The following SENP7 variants were observed in gnomAD, a reference collection of about 807,000 sequenced individuals.
SENP7 encodes the protein SUMO specific peptidase 7.
In SENP7, 64 loss-of-function variants were observed where a neutral mutation model predicts 141.2. The ratio of observed to expected loss-of-function variants is 0.45; its 90% CI spans 0.37 to 0.56. The LOEUF (loss-of-function observed/expected upper bound fraction) is 0.56, where lower values mean the gene tolerates loss of function less well. Among genes scored for constraint, SENP7 ranks in the 20% least tolerant of loss-of-function variants. SENP7 has a pLI of 0.00. For synonymous variants in SENP7, 382 were observed against 426.4 expected, an observed-to-expected ratio of 0.90 and a Z score of 1.28; for missense variants, 1,025 against 1,212.2, an observed-to-expected ratio of 0.85 and a Z score of 2.29.
At chr3:101,445,767 TTCAG>T (rs1335383549) in intron 4 of SENP7, among the ~76,000 whole-genome samples, 1 of 152,100 alleles carries the variant, frequency 6.6e-6, no homozygotes, top group Non-Finnish European at 1.5e-5. Flanking sequence ...AAAATAGACA[TTCAG>T]TCAAAAAACT....
chr3:101,465,541 G>A (rs2063731865), intron 3 of SENP7, among the ~76,000 whole-genome samples: 1 of 152,180 alleles, frequency 6.6e-6, no homozygotes, highest in Non-Finnish European at 1.5e-5. Flanking sequence ...TGACACTGCT[G>A]ACATGAGTTA....
intron 3 of SENP7, among the ~76,000 whole-genome samples, chr3:101,482,079 G>C (rs1242616946): frequency 6.6e-6 from 1 of 152,088 alleles, no homozygotes; most frequent in Non-Finnish European, 1.5e-5. Context: ...GGGATACCGA[G>C]GTGGGCAGAT....
At position 101,327,655 on chromosome 3, in the gene SENP7, G is replaced by C; in HGVS notation, c.3015+11C>G. ...ACTGTGAATTAAAAACTTATTTATA[G>C]CTTCACATACCTTGAAGAAGCTTTC... On this transcript the variant is annotated intron_variant, in intron 23 of 23. Coordinates refer to ENST00000394095, the MANE Select transcript of SENP7 (RefSeq NM_020654.5). The C allele has an allele frequency of 6.3e-7, 1 of 1,584,354 alleles. No individual in the cohort carries two copies. The highest frequency in any genetic ancestry group is 2.3e-5 in the East Asian group (1 of 43,564).
In SENP7 at chr3:101,327,741, G is replaced by A; in HGVS notation, c.2940C>T (p.Cys980=). The A allele has an allele frequency of 5.6e-6, 9 of 1,611,110 alleles. No individual in the cohort carries two copies. The highest frequency in any genetic ancestry group is 7.6e-6 in the Non-Finnish European group (9 of 1,178,044). ...QFSKTNMVDL[C]PKVPKQDNSS... ...TATTGTCCTGTTTAGGAACTTTAGG[G>A]CATAGATCCACCATGTTTGTTTTGC... Residue 980 remains cysteine, a synonymous_variant, in exon 23 of 24, where the codon TGC becomes TGT. Transcript: ENST00000394095.
At chr3:101,335,296 G>T (rs987631926) in intron 17 of SENP7, among the ~76,000 whole-genome samples, 1 of 152,172 alleles carries the variant, frequency 6.6e-6, no homozygotes, top group African/African-American at 2.4e-5. Context: ...CATAAAGCAT[G>T]ATAAGGAATC....
At chr3:101,422,599 T>G (rs1205077476) in intron 4 of SENP7, among the ~76,000 whole-genome samples, 1 of 152,148 alleles carries the variant, frequency 6.6e-6, no homozygotes, top group Admixed American at 6.6e-5. Context: ...CTAGGCTTTT[T>G]AGAACCATCC....
intron 16 of SENP7, among the ~76,000 whole-genome samples, chr3:101,339,508 G>A (rs529329975): frequency 1.3e-5 from 2 of 152,230 alleles, no homozygotes; most frequent in South Asian, 2.1e-4. Flanking sequence ...ATCACCTGAG[G>A]TCAGGAGTTC....
At chr3:101,386,822 A>G (rs2060666162) in intron 6 of SENP7, among the ~76,000 whole-genome samples, 1 of 152,242 alleles carries the variant, frequency 6.6e-6, no homozygotes, top group Non-Finnish European at 1.5e-5. Context: ...CAACATCTGC[A>G]CACATCTTCA....
intron 3 of SENP7, among the ~76,000 whole-genome samples, chr3:101,471,239 T>C (rs1279009566): frequency 2.0e-5 from 3 of 152,166 alleles, no homozygotes; most frequent in Non-Finnish European, 4.4e-5. Context: ...TCACACTACC[T>C]GACTTCAAAC....
intron 5 of SENP7, among the ~76,000 whole-genome samples, chr3:101,415,850 C>A (rs2061603013): frequency 3.3e-5 from 5 of 152,204 alleles, no homozygotes. Flanking sequence ...GAAGTGATAA[C>A]ACAGCCTGTC....
chr3:101,469,257 T>C (rs998741549), intron 3 of SENP7, among the ~76,000 whole-genome samples: 1 of 151,756 alleles, frequency 6.6e-6, no homozygotes, highest in Non-Finnish European at 1.5e-5. Flanking sequence ...ATAAAGCAAG[T>C]CCTTAGAGAC....
At chr3:101,391,299 AT>A (rs1559759104) in intron 6 of SENP7, among the ~76,000 whole-genome samples, 3 of 151,924 alleles carry the variant, frequency 2.0e-5, no homozygotes. Context: ...CATAATAAAA[AT>A]TGTTTTTTAA....
intron 4 of SENP7, among the ~76,000 whole-genome samples, chr3:101,449,939 C>A (rs1481517243): frequency 6.6e-6 from 1 of 152,104 alleles, no homozygotes; most frequent in African/African-American, 2.4e-5. Flanking sequence ...AGAGTCAAGA[C>A]CCATCAGTGT....
chr3:101,381,862 T>C (rs2060511154), intron 6 of SENP7, among the ~76,000 whole-genome samples: 1 of 152,164 alleles, frequency 6.6e-6, no homozygotes, highest in Non-Finnish European at 1.5e-5. Flanking sequence ...GATCTCAAAA[T>C]AGAGTATCTT....
At chr3:101,499,581 T>G (rs1299205873) in intron 2 of SENP7, among the ~76,000 whole-genome samples, 4 of 146,876 alleles carry the variant, frequency 2.7e-5, no homozygotes, top group African/African-American at 1.0e-4. Flanking sequence ...TGTCGCCCAG[T>G]CTAGAGTGCA....
intron 6 of SENP7, among the ~76,000 whole-genome samples, chr3:101,378,754 C>T (rs913910466): frequency 6.6e-6 from 1 of 152,018 alleles, no homozygotes; most frequent in South Asian, 2.1e-4. Flanking sequence ...CTAGGCATAT[C>T]ATATTAAACT....
At chr3:101,459,097 G>T in intron 3 of SENP7, 45 bp from the exon 4 acceptor site, 2 of 1,084,558 alleles carry the variant, frequency 1.8e-6, no homozygotes, top group Non-Finnish European at 2.7e-6. Context: ...ATATCAATAT[G>T]ACAAGAGGCA....
intron 10 of SENP7, among the ~76,000 whole-genome samples, chr3:101,363,757 A>G (rs953562097): frequency 6.6e-6 from 1 of 152,230 alleles, no homozygotes; most frequent in Admixed American, 6.5e-5. Context: ...CCATGAAACA[A>G]TAATCAGACC....
At chr3:101,345,255 T>G (rs1360545826) in intron 13 of SENP7, among the ~76,000 whole-genome samples, 1 of 152,078 alleles carries the variant, frequency 6.6e-6, no homozygotes, top group Admixed American at 6.6e-5. Context: ...AGTATGATGG[T>G]GGTATTTTGA....
Sources: gnomAD v4.1 joint callset for allele counts (sites outside exome capture counted in the v4.1 genomes callset) on GRCh38, gnomAD v4.1.1 for gene constraint, MANE v1.5 for transcripts, NCBI Gene and HGNC (gene_info 2026-07-23, HGNC 2026-07-21) for gene names.